MYO1H: variants seen among roughly 807,000 people sequenced by gnomAD.
The protein encoded by MYO1H is unconventional myosin-Ih.
In MYO1H, 118 loss-of-function variants were observed where a neutral mutation model predicts 149.3. The ratio of observed to expected loss-of-function variants is 0.79; its 90% CI spans 0.68 to 0.92. The LOEUF is 0.92. Ranked by LOEUF, MYO1H falls within the 40% of genes least tolerant of loss-of-function variation. The pLI, the probability that MYO1H is intolerant of heterozygous loss-of-function variation, is 0.00. For missense variants in MYO1H, 1,212 were observed against 1,280.7 expected (o/e 0.95, Z 0.82); for synonymous variants, 447 against 465.2 (o/e 0.96, Z 0.50).
chr12:109,314,283 T>A, the MYO1H span, among the ~76,000 whole-genome samples: 6 of 151,660 alleles, frequency 4.0e-5, no homozygotes, highest in African/African-American at 1.5e-4. Flanking sequence ...ACTGAATATC[T>A]ATCTCCATTG....
the MYO1H span, among the ~76,000 whole-genome samples, chr12:109,316,722 A>G: frequency 6.6e-6 from 1 of 152,164 alleles, no homozygotes; most frequent in Admixed American, 6.5e-5. Flanking sequence ...GCATGGGTGT[A>G]ACGGACAAAA....
the MYO1H span, among the ~76,000 whole-genome samples, chr12:109,319,812 C>A: frequency 6.6e-6 from 1 of 152,064 alleles, no homozygotes; most frequent in African/African-American, 2.4e-5. Context: ...TCATAACGAG[C>A]AAAACTACCT....
chr12:109,405,974 A>C (rs1277230911), exon 8 of MYO1H: 1 of 1,613,742 alleles, frequency 6.2e-7, no homozygotes, highest in African/African-American at 1.3e-5. Flanking sequence ...ATTGGTTTTG[A>C]AGAAGACGAC....
intron 1 of MYO1H, among the ~76,000 whole-genome samples, chr12:109,370,695 C>T (rs993494340): frequency 6.6e-6 from 1 of 152,316 alleles, no homozygotes; most frequent in African/African-American, 2.4e-5. Context: ...TGTGCTCGCT[C>T]TCAGACCAGT....
At chr12:109,318,991 T>TTTTTTG in the MYO1H span, among the ~76,000 whole-genome samples, 5 of 147,264 alleles carry the variant, frequency 3.4e-5, no homozygotes, top group African/African-American at 1.3e-4. Flanking sequence ...TTTTTTTTTT[T>TTTTTTG]TTTGCAACTT....
rs918181039 is a variant in MYO1H, at chr12:109,444,371, G to C, written c.2896-61G>C. 4 of 1,568,334 alleles carry C rather than the reference G, an allele frequency of 2.6e-6. No homozygotes were observed. In the African/African-American group the frequency reaches 5.4e-5, roughly 21 times the overall value. The stretch of plus-strand genomic sequence containing the variant: ...TGACCACCGTGAAACTTCTCTATTG[G>C]AGTGTCTGTTTCTTTAAGCTGTGAA... On this transcript the variant is annotated intron_variant, in intron 29 of 31. Coordinates refer to ENST00000310903, the Ensembl canonical transcript of MYO1H.
At chr12:109,310,799 A>G in the MYO1H span, among the ~76,000 whole-genome samples, 1 of 152,162 alleles carries the variant, frequency 6.6e-6, no homozygotes, top group African/African-American at 2.4e-5. Context: ...GAGTAAATAG[A>G]TCAGCTTTCA....
chr12:109,425,134 A>G (rs1362568846), intron 17 of MYO1H, among the ~76,000 whole-genome samples: 1 of 152,156 alleles, frequency 6.6e-6, no homozygotes, highest in African/African-American at 2.4e-5. Flanking sequence ...CAAATCAGTC[A>G]GACAAAACTT....
chr12:109,427,503 C>T (rs367826493), exon 19 of MYO1H: 4 of 1,612,668 alleles, frequency 2.5e-6, no homozygotes, highest in Non-Finnish European at 3.4e-6. Context: ...GGCATCAGAT[C>T]AAATACCTGG....
the MYO1H span, among the ~76,000 whole-genome samples, chr12:109,325,058 T>A: frequency 5.9e-5 from 9 of 152,242 alleles, no homozygotes; most frequent in Non-Finnish European, 1.0e-4. Context: ...ATCTCATTCT[T>A]TTTATGGCTG....
upstream of MYO1H, chr12:109,347,834 C>T: frequency 2.5e-6 from 1 of 398,168 alleles, no homozygotes; most frequent in Non-Finnish European, 4.4e-6. Context: ...CTCCACCCCG[C>T]AAGCTAGAAT....
chr12:109,351,350 T>C (rs984432617), intron 1 of MYO1H, among the ~76,000 whole-genome samples: 33 of 152,336 alleles, frequency 2.2e-4, no homozygotes, highest in African/African-American at 7.2e-4. Context: ...TCTTACCTTA[T>C]CTTTTGACTA....
At chr12:109,387,570 A>T (rs1869402846) in intron 1 of MYO1H, among the ~76,000 whole-genome samples, 1 of 152,244 alleles carries the variant, frequency 6.6e-6, no homozygotes, top group Non-Finnish European at 1.5e-5. Context: ...CTGGAGGGAC[A>T]TTGCAAAGGC....
At chr12:109,328,222 C>G in the MYO1H span, among the ~76,000 whole-genome samples, 3 of 151,304 alleles carry the variant, frequency 2.0e-5, no homozygotes, top group Non-Finnish European at 2.9e-5. Flanking sequence ...GTGAAATTCT[C>G]ATTACTGTAA....
At chr12:109,342,541 CTTTT>C in the MYO1H span, among the ~76,000 whole-genome samples, 5 of 100,530 alleles carry the variant, frequency 5.0e-5, no homozygotes, top group East Asian at 5.6e-4. Flanking sequence ...CTTCAGGAGA[CTTTT>C]TTTTTTTTTT....
chr12:109,360,781 G>A (rs555722392), intron 1 of MYO1H, among the ~76,000 whole-genome samples: 1 of 152,288 alleles, frequency 6.6e-6, no homozygotes, highest in East Asian at 1.9e-4. Context: ...AATAGGTCTT[G>A]TTTACAAGAC....
At chr12:109,396,814 GTTTTTT>G (rs60551691) in intron 4 of MYO1H, among the ~76,000 whole-genome samples, 5 of 51,088 alleles carry the variant, frequency 9.8e-5, no homozygotes, top group African/African-American at 2.5e-4. Flanking sequence ...TTTTGGTTTC[GTTTTTT>G]TTTTTTTTTT....
chr12:109,438,675 GGGAT>G, intron 23 of MYO1H, 55 bp downstream of exon 23: 2 of 1,343,548 alleles, frequency 1.5e-6, no homozygotes, highest in Non-Finnish European at 2.1e-6. Flanking sequence ...GTACCCTGCA[GGGAT>G]GGTCATGGAG....
intron 26 of MYO1H, 136 bp downstream of exon 26, chr12:109,441,844 C>T (rs1210071067): frequency 3.0e-5 from 18 of 600,046 alleles, no homozygotes; most frequent in South Asian, 4.1e-5. Flanking sequence ...CTCAGGAGTT[C>T]GAGACCAGCC....
Sources: gnomAD v4.1 joint callset for allele counts (sites outside exome capture counted in the v4.1 genomes callset) on GRCh38, gnomAD v4.1.1 for gene constraint, MANE v1.5 for transcripts, NCBI Gene and HGNC (gene_info 2026-07-23, HGNC 2026-07-21) for gene names.